ANKRD28: variants seen among roughly 807,000 people sequenced by gnomAD.
ANKRD28 encodes serine/threonine-protein phosphatase 6 regulatory ankyrin repeat subunit A.
In ANKRD28, 44 loss-of-function variants were observed where a neutral mutation model predicts 126.5. The observed-to-expected ratio is 0.35, with a 90% confidence interval of 0.27 to 0.45. The LOEUF is 0.45. Ranked by LOEUF, ANKRD28 falls within the 20% of genes least tolerant of loss-of-function variation. The pLI is 1.00. For synonymous variants in ANKRD28, 442 were observed against 468.5 expected, an observed-to-expected ratio of 0.94 and a Z score of 0.73; for missense variants, 1,110 against 1,316.6, an observed-to-expected ratio of 0.84 and a Z score of 2.43.
At chr3:15,811,028 A>G (rs1264726628) in intron 1 of ANKRD28, among the ~76,000 whole-genome samples, 3 of 152,244 alleles carry the variant, frequency 2.0e-5, no homozygotes, top group Non-Finnish European at 4.4e-5. Context: ...TAGCAAATGA[A>G]GAGCAGACTA....
At chr3:15,761,846 C>T (rs2058472675) in intron 3 of ANKRD28, among the ~76,000 whole-genome samples, 1 of 151,798 alleles carries the variant, frequency 6.6e-6, no homozygotes, top group African/African-American at 2.4e-5. Flanking sequence ...AAGAAATATC[C>T]ACCAATCAAA....
chr3:15,786,203 G>A (rs1286069583), intron 2 of ANKRD28, among the ~76,000 whole-genome samples: 1 of 152,050 alleles, frequency 6.6e-6, no homozygotes, highest in Non-Finnish European at 1.5e-5. Flanking sequence ...ATGTATTAAT[G>A]TAGGTACATC....
At chr3:15,806,526 C>CT (rs564676719) in intron 1 of ANKRD28, among the ~76,000 whole-genome samples, 192 of 145,700 alleles carry the variant, frequency 1.3e-3, no homozygotes, top group East Asian at 6.1e-3. Context: ...ATCATCACAT[C>CT]TTTTTTTTTT....
chr3:15,705,050 G>C (rs376823722), intron 14 of ANKRD28, among the ~76,000 whole-genome samples: 1 of 152,130 alleles, frequency 6.6e-6, no homozygotes, highest in East Asian at 1.9e-4. Flanking sequence ...TACTCAAATG[G>C]GTACAGTATG....
intron 6 of ANKRD28, among the ~76,000 whole-genome samples, chr3:15,724,822 T>TA (rs1024491789): frequency 2.7e-4 from 41 of 151,160 alleles, no homozygotes; most frequent in Middle Eastern, 3.4e-3. Flanking sequence ...CCACCAAAAA[T>TA]AAAAAAAAAT....
intron 1 of ANKRD28, among the ~76,000 whole-genome samples, chr3:15,819,049 G>A (rs2125906028): frequency 6.6e-6 from 1 of 152,296 alleles, no homozygotes; most frequent in South Asian, 2.1e-4. Context: ...AGGACAAGGT[G>A]GGAGGACTGC....
In ANKRD28 at chr3:15,751,833, GA is replaced by G. The variant is rs1346649671; in HGVS notation, c.281-14del. ...TTAACTCTAGCTCCTGCAACAAGAA[GA>G]AAAAAATAAATTGAAATATTGTACA... On this transcript the variant is annotated splice_polypyrimidine_tract_variant and intron_variant, in intron 3 of 27. Coordinates refer to ENST00000683139, the MANE Select transcript of ANKRD28 (RefSeq NM_001349278.2). 3.3e-6 allele frequency: 5 copies of G among 1,523,594 alleles called. No homozygotes were observed. Among genetic ancestry groups the G allele is most frequent in the African/African-American group, 2.8e-5 (2 of 71,858 alleles). The allele number at this position is 1,523,594 out of a possible 1,614,324, so 94.4% of individuals were successfully genotyped here. A position where few individuals can be genotyped will look rare whatever the true frequency, so the allele number is the denominator to read the frequency against.
chr3:15,803,958 A>G (rs903113215), intron 1 of ANKRD28, among the ~76,000 whole-genome samples: 1 of 145,328 alleles, frequency 6.9e-6, no homozygotes, highest in Non-Finnish European at 1.5e-5. Context: ...TATTAAAAAA[A>G]TTCATAAAGA....
chr3:15,721,045 A>T lies in ANKRD28; in HGVS notation c.866T>A (p.Ile289Lys). The change falls in exon 8 of 28, where the codon ATA (isoleucine) becomes AAA (lysine). Residue 289 changes from isoleucine (I) to lysine (K), a missense_variant. Physicochemically the swap from Ile to Lys is moderately radical, Grantham distance 102 (BLOSUM62 -3). Coordinates refer to ENST00000683139, the MANE Select transcript of ANKRD28 (RefSeq NM_001349278.2). ...NGQDVVVNEL[I>K]DCGAIVNQKN... is the part of the protein sequence containing the mutation. ...TTGATTCACAATAGCACCACAGTCT[A>T]TAAGTTCATTCACTACAACATCTTG... 6.2e-7 allele frequency: 1 copy of T among 1,613,938 alleles called. No individual in the cohort carries two copies.
At position 15,689,301 on chromosome 3, in the gene ANKRD28, A is replaced by C. The variant is rs546934791; in HGVS notation, c.1963+718T>G. On this transcript the variant is annotated intron_variant, in intron 18 of 27. Coordinates refer to ENST00000683139, the MANE Select transcript of ANKRD28 (RefSeq NM_001349278.2). Reference sequence around the variant, plus strand: ...ACAGGCGCCTCTCTGATCCTGCCCTACCTAAGCTTTGACGGTAGTGGGGCT... The same window carrying C: ...ACAGGCGCCTCTCTGATCCTGCCCTCCCTAAGCTTTGACGGTAGTGGGGCT... Among the ~76,000 whole-genome samples the C allele has an allele frequency of 7.2e-5, 11 of 152,306 alleles. No individual in the cohort carries two copies. The South Asian group carries it at 2.3e-3, about 32-fold the overall frequency.
At chr3:15,698,255 T>C (rs1296601966) in intron 14 of ANKRD28, among the ~76,000 whole-genome samples, 1 of 152,178 alleles carries the variant, frequency 6.6e-6, no homozygotes, top group Non-Finnish European at 1.5e-5. Context: ...TAGTAAGGGC[T>C]AGTTATGACA....
intron 8 of ANKRD28, among the ~76,000 whole-genome samples, chr3:15,719,801 C>T (rs1995469): frequency 6.6e-5 from 10 of 152,138 alleles, no homozygotes; most frequent in Admixed American, 4.6e-4. Context: ...GTGATCTTCT[C>T]GCCTTGGCCT....
At chr3:15,731,586 T>C (rs145117410) in intron 6 of ANKRD28, among the ~76,000 whole-genome samples, 235 of 152,246 alleles carry the variant, frequency 1.5e-3, no homozygotes, top group African/African-American at 5.0e-3. Flanking sequence ...GCACATATCT[T>C]TGGTGTAAAC....
intron 1 of ANKRD28, among the ~76,000 whole-genome samples, chr3:15,831,501 T>G (rs958843491): frequency 6.6e-6 from 1 of 152,140 alleles, no homozygotes; most frequent in Admixed American, 6.6e-5. Context: ...TAGGTGCCAA[T>G]AGTATCCTTC....
At chr3:15,697,883 G>C (rs545190239) in intron 14 of ANKRD28, among the ~76,000 whole-genome samples, 4 of 152,066 alleles carry the variant, frequency 2.6e-5, no homozygotes, top group Non-Finnish European at 5.9e-5. Context: ...TGTTTGGTAG[G>C]CTATTAATTA....
In ANKRD28 at chr3:15,667,296, A is replaced by C. The variant is rs3732719; in HGVS notation, c.*2974T>G. The C allele has an allele frequency of 1.3e-5, 2 of 152,238 alleles. No homozygotes were observed. The highest frequency in any genetic ancestry group is 4.8e-5 in the African/African-American group (2 of 41,456). 9.4% of individuals were successfully genotyped at this position (152,238 alleles called of 1,614,324 possible). ...GTCCAATATAAGCCAAATTAACCCC[A>C]AAATTTACAGCTACACTTAGAGATC... On this transcript the variant is annotated 3_prime_UTR_variant, in exon 28 of 28. Coordinates refer to ENST00000683139, the MANE Select transcript of ANKRD28 (RefSeq NM_001349278.2).
At chr3:15,689,980 T>C in intron 18 of ANKRD28, 39 bp downstream of exon 18, 1 of 1,512,340 alleles carries the variant, frequency 6.6e-7, no homozygotes, top group Non-Finnish European at 9.0e-7. Context: ...AAGTATTGGA[T>C]AGAAGTTATA....
intron 1 of ANKRD28, among the ~76,000 whole-genome samples, chr3:15,850,204 A>AATATATATATATATATATATAT (rs1226795631): frequency 3.6e-5 from 2 of 54,834 alleles, no homozygotes; most frequent in Non-Finnish European, 7.7e-5. Flanking sequence ...AAAAAAAAAA[A>AATATATATATATATATATATAT]ATATATATAT....
At chr3:15,743,539 C>T (rs188679269) in intron 4 of ANKRD28, among the ~76,000 whole-genome samples, 2,885 of 140,986 alleles carry the variant, frequency 0.02, 101 homozygotes, top group African/African-American at 0.073. Flanking sequence ...TGCAGTGTGG[C>T]TTTTTAACAC....
Sources: gnomAD v4.1 joint callset for allele counts (sites outside exome capture counted in the v4.1 genomes callset) on GRCh38, gnomAD v4.1.1 for gene constraint, MANE v1.5 for transcripts, NCBI Gene and HGNC (gene_info 2026-07-23, HGNC 2026-07-21) for gene names.